TENM3: variants seen among roughly 807,000 people sequenced by gnomAD.
The protein encoded by TENM3 is teneurin-3.
A neutral mutation model predicts 255.1 loss-of-function variants in TENM3; 63 were observed. The observed-to-expected ratio is 0.25, with a 90% CI of 0.20 to 0.30. The LOEUF is 0.30. Ranked by LOEUF, TENM3 falls within the 10% of genes least tolerant of loss-of-function variation. The pLI, the probability that TENM3 is intolerant of heterozygous loss-of-function variation, is 1.00. For synonymous variants in TENM3, 1,306 were observed against 1,322.3 expected (o/e 0.99, Z 0.27); for missense variants, 2,929 against 3,461.1 (o/e 0.85, Z 3.86).
At chr4:181,698,014 A>C in the TENM3 span, among the ~76,000 whole-genome samples, 2 of 151,906 alleles carry the variant, frequency 1.3e-5, no homozygotes, top group Admixed American at 1.3e-4. Flanking sequence ...GGAGTTTGAG[A>C]CCGGCCTGGC....
the TENM3 span, among the ~76,000 whole-genome samples, chr4:181,806,497 G>A: frequency 6.6e-6 from 1 of 152,358 alleles, no homozygotes; most frequent in Non-Finnish European, 1.5e-5. Flanking sequence ...AGAGCTTTAA[G>A]AGGTGATTGG....
the TENM3 span, among the ~76,000 whole-genome samples, chr4:181,839,524 C>T: frequency 6.8e-6 from 1 of 147,318 alleles, no homozygotes; most frequent in Non-Finnish European, 1.5e-5. Context: ...CTATTATATA[C>T]ACACACATGC....
At chr4:181,952,130 G>A in the TENM3 span, among the ~76,000 whole-genome samples, 1 of 152,184 alleles carries the variant, frequency 6.6e-6, no homozygotes, top group Non-Finnish European at 1.5e-5. Flanking sequence ...AAAGTAATTA[G>A]GGATGTGATC....
At chr4:182,573,823 A>C (rs892106995) in intron 3 of TENM3, among the ~76,000 whole-genome samples, 1 of 152,272 alleles carries the variant, frequency 6.6e-6, no homozygotes, top group African/African-American at 2.4e-5. Context: ...AATAAGGAAA[A>C]ATATTGAGAT....
chr4:182,154,522 G>A (rs11729732), intron 1 of TENM3, among the ~76,000 whole-genome samples: 32,004 of 152,018 alleles, frequency 0.21, 4,193 homozygotes, highest in Non-Finnish European at 0.3. Context: ...AATAGATTCC[G>A]TGAAATGCAG....
upstream of TENM3, chr4:182,141,388 T>G (rs934475796): frequency 6.6e-6 from 1 of 152,282 alleles, no homozygotes; most frequent in Non-Finnish European, 1.5e-5. Flanking sequence ...GCGAGCTGCC[T>G]CTCTGCTTTC....
chr4:182,455,664 C>T (rs1242650521), intron 3 of TENM3, among the ~76,000 whole-genome samples: 4 of 144,544 alleles, frequency 2.8e-5, no homozygotes, highest in Non-Finnish European at 4.5e-5. Context: ...CGGGTTCAAG[C>T]GATTCTCCTG....
chr4:182,701,595 G>C (rs1223167027), intron 12 of TENM3, among the ~76,000 whole-genome samples: 1 of 152,062 alleles, frequency 6.6e-6, no homozygotes, highest in Non-Finnish European at 1.5e-5. Flanking sequence ...CATTGGTATA[G>C]ATAAGGAAAA....
intron 1 of TENM3, among the ~76,000 whole-genome samples, chr4:182,281,395 A>C (rs538572839): frequency 6.6e-6 from 1 of 152,316 alleles, no homozygotes; most frequent in African/African-American, 2.4e-5. Context: ...GGGCATTATA[A>C]ACCCTCTCAC....
Position 182,299,774 on chromosome 4 carries a change from G to T in TENM3, c.-75-24172G>T, listed in dbSNP as rs77422159. Reference sequence around the variant, plus strand: ...ACTGATGGCGGAGGATGCCAAGGACGGGGGGAGGGAGGGAAGGGTTAGGAA... The same window carrying T: ...ACTGATGGCGGAGGATGCCAAGGACTGGGGGAGGGAGGGAAGGGTTAGGAA... On this transcript the variant is annotated intron_variant, in intron 1 of 27. Transcript: ENST00000511685. 3.6e-3 allele frequency among the ~76,000 whole-genome samples: 457 copies of T among 128,640 alleles called. 1 individual carries two copies. The highest frequency in any genetic ancestry group is 0.011 in the African/African-American group (424 of 40,028). 84.4% of individuals were successfully genotyped at this position (128,640 alleles called of 152,430 possible).
chr4:182,759,288 G>T (rs1038860532), intron 22 of TENM3, among the ~76,000 whole-genome samples: 2 of 152,302 alleles, frequency 1.3e-5, no homozygotes, highest in South Asian at 2.1e-4. Flanking sequence ...GCTATTTGTT[G>T]AATGAAGAAA....
intron 3 of TENM3, among the ~76,000 whole-genome samples, chr4:182,552,025 CAAA>C (rs11354411): frequency 1.9e-4 from 21 of 108,672 alleles, no homozygotes; most frequent in Admixed American, 2.9e-4. Context: ...GACCCTGTCT[CAAA>C]AAAAAAAAAA....
At chr4:181,733,695 G>C in the TENM3 span, among the ~76,000 whole-genome samples, 1 of 152,162 alleles carries the variant, frequency 6.6e-6, no homozygotes, top group Non-Finnish European at 1.5e-5. Context: ...GGGGAAAGGA[G>C]AGGCTCCAGA....
chr4:181,542,644 A>G, the TENM3 span, among the ~76,000 whole-genome samples: 2 of 152,222 alleles, frequency 1.3e-5, no homozygotes, highest in Non-Finnish European at 2.9e-5. Context: ...GATAACTTCT[A>G]GGTTTTCATT....
the TENM3 span, among the ~76,000 whole-genome samples, chr4:182,124,644 G>C: frequency 2.6e-5 from 4 of 152,170 alleles, no homozygotes; most frequent in African/African-American, 7.2e-5. Flanking sequence ...AATCAGGAGA[G>C]AACGGTGTCC....
At chr4:182,124,410 T>C in the TENM3 span, among the ~76,000 whole-genome samples, 2 of 152,172 alleles carry the variant, frequency 1.3e-5, no homozygotes, top group African/African-American at 4.8e-5. Flanking sequence ...CATATGTGAA[T>C]CTGAAGTTAA....
chr4:182,144,537 G>A (rs1749757307), upstream of TENM3: 1 of 149,024 alleles, frequency 6.7e-6, no homozygotes, highest in African/African-American at 2.5e-5. Context: ...CGCGTCCCCG[G>A]GCCGCGCGGC....
At chr4:182,408,450 GAGA>G in intron 3 of TENM3, among the ~76,000 whole-genome samples, 1 of 152,262 alleles carries the variant, frequency 6.6e-6, no homozygotes, top group African/African-American at 2.4e-5. Context: ...TGTTTCCCTA[GAGA>G]AAACCTTCGG....
intron 1 of TENM3, among the ~76,000 whole-genome samples, chr4:182,181,833 G>A (rs1481136570): frequency 1.3e-5 from 2 of 151,030 alleles, no homozygotes; most frequent in African/African-American, 4.9e-5. Flanking sequence ...ATCAATCACT[G>A]ATATTTCATA....
Sources: gnomAD v4.1 joint callset for allele counts (sites outside exome capture counted in the v4.1 genomes callset) on GRCh38, gnomAD v4.1.1 for gene constraint, MANE v1.5 for transcripts, NCBI Gene and HGNC (gene_info 2026-07-23, HGNC 2026-07-21) for gene names.